Variants in RIMKLB observed in about 807,000 individuals in gnomAD.
RIMKLB encodes beta-citrylglutamate synthase B.
Under a neutral mutation model 32.0 loss-of-function variants are expected in RIMKLB, and 7 were observed. The ratio of observed to expected loss-of-function variants is 0.22; its 90% CI spans 0.12 to 0.41. RIMKLB has a LOEUF of 0.41. Ranked by LOEUF, RIMKLB falls within the 10% of genes least tolerant of loss-of-function variation. RIMKLB has a pLI of 1.00. For missense variants in RIMKLB, 289 were observed against 498.7 expected (o/e 0.58, Z 4.00); for synonymous variants, 172 against 185.1 (o/e 0.93, Z 0.57).
chr12:8,709,659 C>T (rs1944196218), intron 1 of RIMKLB, among the ~76,000 whole-genome samples: 1 of 152,246 alleles, frequency 6.6e-6, no homozygotes, highest in South Asian at 2.1e-4. Context: ...TGGCAGTGTA[C>T]CACTGGACAG....
At chr12:8,671,885 C>T in the RIMKLB span, among the ~76,000 whole-genome samples, 1 of 151,328 alleles carries the variant, frequency 6.6e-6, no homozygotes, top group Non-Finnish European at 1.5e-5. Flanking sequence ...GCACTCCAGC[C>T]TGGGTGACAG....
chr12:8,714,126 A>G (rs1944601048), intron 2 of RIMKLB, 85 bp downstream of exon 2: 2 of 1,139,684 alleles, frequency 1.8e-6, no homozygotes, highest in Non-Finnish European at 2.6e-6. Flanking sequence ...AGGACAGAGG[A>G]ATTCTTAGCC....
At chr12:8,727,976 G>A (rs1168090042) in intron 2 of RIMKLB, among the ~76,000 whole-genome samples, 1 of 152,026 alleles carries the variant, frequency 6.6e-6, no homozygotes, top group Non-Finnish European at 1.5e-5. Flanking sequence ...ATACATTCGT[G>A]GAATGCAAAA....
At chr12:8,766,355 C>CCAACG (rs1264768389) in intron 5 of RIMKLB, among the ~76,000 whole-genome samples, 2 of 152,080 alleles carry the variant, frequency 1.3e-5, no homozygotes, top group Non-Finnish European at 2.9e-5. Context: ...ACCAGCGTGC[C>CCAACG]CAACGTTGCC....
intron 1 of RIMKLB, among the ~76,000 whole-genome samples, chr12:8,683,251 G>A (rs1312351618): frequency 6.6e-6 from 1 of 152,200 alleles, no homozygotes; most frequent in Non-Finnish European, 1.5e-5. Flanking sequence ...TGGGCACTAA[G>A]TTTCCTCTCC....
the RIMKLB span, among the ~76,000 whole-genome samples, chr12:8,673,088 G>A: frequency 6.6e-6 from 1 of 152,084 alleles, no homozygotes. Context: ...CACCATGTTA[G>A]CCAGGCTAGT....
At chr12:8,769,034 G>T (rs772885034) in intron 5 of RIMKLB, among the ~76,000 whole-genome samples, 1 of 152,058 alleles carries the variant, frequency 6.6e-6, no homozygotes, top group African/African-American at 2.4e-5. Context: ...CAAAATGAAG[G>T]CAATTCATGT....
the RIMKLB span, among the ~76,000 whole-genome samples, chr12:8,671,559 T>C: frequency 6.6e-6 from 1 of 152,104 alleles, no homozygotes; most frequent in South Asian, 2.1e-4. Flanking sequence ...TGGGTTTTTC[T>C]TTTCTATTGC....
rs192253399 is a variant in RIMKLB, at chr12:8,750,995, A to T, written c.406+903A>T. ...GTCCTCTCCTTATTGTTAATATTTT[A>T]AAAAAAAGGAACTCTTCCCCCTCAA... On this transcript the variant is annotated intron_variant, in intron 3 of 5. Coordinates refer to ENST00000535829, the MANE Select transcript of RIMKLB (RefSeq NM_001297776.2). Among the ~76,000 whole-genome samples the T allele has an allele frequency of 5.0e-3, 765 of 152,082 alleles. 6 individuals are homozygous for T. Among genetic ancestry groups the T allele is most frequent in the Admixed American group, 8.9e-3 (136 of 15,248 alleles).
chr12:8,708,875 T>C (rs1944126557), intron 1 of RIMKLB, among the ~76,000 whole-genome samples: 2 of 152,198 alleles, frequency 1.3e-5, no homozygotes, highest in Non-Finnish European at 2.9e-5. Context: ...CTCTCAAAAA[T>C]AAACTCTCTT....
Position 8,773,873 on chromosome 12 carries a change from G to A in RIMKLB, c.*89G>A. On this transcript the variant is annotated 3_prime_UTR_variant, in exon 6 of 6. Coordinates refer to ENST00000535829, the MANE Select transcript of RIMKLB (RefSeq NM_001297776.2). ...ACCAACTTGCAATGCTGTTCATGGA[G>A]GATGCTCAGGAAGATGAGAGAAAAT... The A allele has an allele frequency of 6.7e-7, 1 of 1,489,760 alleles. No homozygotes were observed. Among genetic ancestry groups the A allele is most frequent in the Non-Finnish European group, 8.9e-7 (1 of 1,121,766 alleles). 92.3% of individuals were successfully genotyped at this position (1,489,760 alleles called of 1,614,324 possible).
At chr12:8,729,326 G>A (rs1188797696) in intron 2 of RIMKLB, among the ~76,000 whole-genome samples, 2 of 152,050 alleles carry the variant, frequency 1.3e-5, no homozygotes, top group Non-Finnish European at 2.9e-5. Flanking sequence ...GGCTCTCGGT[G>A]GGAAGCGGAG....
chr12:8,698,952 AC>A (rs112143852), intron 1 of RIMKLB, among the ~76,000 whole-genome samples: 34,540 of 148,330 alleles, frequency 0.23, 4,148 homozygotes, highest in Middle Eastern at 0.27. Flanking sequence ...CTTGCCCCTC[AC>A]CCCCCCCCAA....
At chr12:8,687,076 A>G (rs916933940) in intron 1 of RIMKLB, among the ~76,000 whole-genome samples, 1 of 152,168 alleles carries the variant, frequency 6.6e-6, no homozygotes, top group Non-Finnish European at 1.5e-5. Flanking sequence ...CTTACTTCAT[A>G]CCAGTATTTC....
At chr12:8,707,643 C>T (rs1192608625) in intron 1 of RIMKLB, among the ~76,000 whole-genome samples, 2 of 152,148 alleles carry the variant, frequency 1.3e-5, no homozygotes, top group Non-Finnish European at 2.9e-5. Context: ...AGGTTCCAAC[C>T]CTCTAATCAT....
chr12:8,760,331 T>A (rs2137976618), intron 5 of RIMKLB, among the ~76,000 whole-genome samples: 1 of 152,364 alleles, frequency 6.6e-6, no homozygotes, highest in South Asian at 2.1e-4. Flanking sequence ...ATTTTCTTAA[T>A]CCAGTCTATC....
upstream of RIMKLB, among the ~76,000 whole-genome samples, chr12:8,692,897 A>G (rs11616092): frequency 0.24 from 36,591 of 152,200 alleles, 4,660 homozygotes; most frequent in Non-Finnish European, 0.26. Context: ...TCAAGGTTCT[A>G]ACATTAGACA....
chr12:8,760,473 T>A (rs941220385), intron 5 of RIMKLB, among the ~76,000 whole-genome samples: 6 of 152,354 alleles, frequency 3.9e-5, no homozygotes, highest in Admixed American at 3.3e-4. Context: ...ATGGGATGGC[T>A]GGGTCAAATG....
downstream of RIMKLB, among the ~76,000 whole-genome samples, chr12:8,778,678 T>A (rs908996188): frequency 2.0e-5 from 3 of 152,248 alleles, no homozygotes; most frequent in Non-Finnish European, 4.4e-5. Context: ...ATTCTTCCTT[T>A]CTCCTATACT....
Sources: allele counts gnomAD v4.1 joint callset (sites outside exome capture counted in the v4.1 genomes callset), GRCh38; gene constraint gnomAD v4.1.1; transcripts MANE v1.5; gene names NCBI Gene and HGNC (gene_info 2026-07-23, HGNC 2026-07-21).